NDST3: variants seen among roughly 807,000 people sequenced by gnomAD.
The protein encoded by NDST3 is bifunctional heparan sulfate N-deacetylase/N-sulfotransferase 3.
Under a neutral mutation model 96.1 loss-of-function variants are expected in NDST3, and 58 were observed. The observed-to-expected ratio is 0.60, with a 90% confidence interval of 0.49 to 0.75. NDST3 has a LOEUF of 0.75. Among genes scored for constraint, NDST3 ranks in the 30% least tolerant of loss-of-function variants. The pLI is 0.00. For missense variants in NDST3, 788 were observed against 1,034.2 expected, an observed-to-expected ratio of 0.76 and a Z score of 3.27; for synonymous variants, 333 against 359.7, an observed-to-expected ratio of 0.93 and a Z score of 0.84.
chr4:118,183,016 A>G (rs1736703529), intron 6 of NDST3, among the ~76,000 whole-genome samples: 1 of 151,940 alleles, frequency 6.6e-6, no homozygotes. Flanking sequence ...TACTCATACC[A>G]AACAAACAAA....
chr4:118,086,808 C>T (rs750439364), intron 2 of NDST3, among the ~76,000 whole-genome samples: 11 of 151,954 alleles, frequency 7.2e-5, no homozygotes, highest in East Asian at 1.9e-4. Flanking sequence ...AAATGAAAGG[C>T]TAATTCATAT....
rs532187219 is a variant in NDST3 at position 118,049,678 on chromosome 4, T to C, written c.-155-4078T>C. On this transcript the variant is annotated intron_variant, in intron 1 of 13. Coordinates refer to ENST00000296499, the MANE Select transcript of NDST3 (RefSeq NM_004784.3). The stretch of plus-strand genomic sequence containing the variant: ...CTCCCAAAACTGAATCATTAAGAGT[T>C]TGAAACTCTGAAAAGACCAATATCA... Among the ~76,000 whole-genome samples, 208 of 151,352 alleles carry C rather than the reference T, an allele frequency of 1.4e-3. 1 individual carries two copies. Among genetic ancestry groups the C allele is most frequent in the African/African-American group, 4.8e-3 (198 of 41,430 alleles).
chr4:118,253,038 T>G (rs1211140894), intron 12 of NDST3, among the ~76,000 whole-genome samples: 1 of 152,216 alleles, frequency 6.6e-6, no homozygotes, highest in East Asian at 1.9e-4. Context: ...CATGATACAC[T>G]GAAACCTTTT....
At chr4:118,093,317 G>A (rs1192638377) in intron 2 of NDST3, among the ~76,000 whole-genome samples, 4 of 151,770 alleles carry the variant, frequency 2.6e-5, no homozygotes, top group Non-Finnish European at 5.9e-5. Flanking sequence ...ACTGGATCAT[G>A]GGTCTAATTT....
intron 1 of NDST3, among the ~76,000 whole-genome samples, chr4:118,049,064 G>T (rs1262334152): frequency 6.6e-6 from 1 of 152,170 alleles, no homozygotes; most frequent in African/African-American, 2.4e-5. Flanking sequence ...TCAATATCAA[G>T]AAGGTCTCTC....
At chr4:118,222,527 T>C (rs1322211384) in intron 6 of NDST3, among the ~76,000 whole-genome samples, 1 of 151,976 alleles carries the variant, frequency 6.6e-6, no homozygotes, top group African/African-American at 2.4e-5. Flanking sequence ...TAAGGTGACA[T>C]GCGTTACAAA....
At chr4:118,171,088 C>G (rs1414255965) in intron 6 of NDST3, among the ~76,000 whole-genome samples, 2 of 152,130 alleles carry the variant, frequency 1.3e-5, no homozygotes, top group Non-Finnish European at 2.9e-5. Context: ...TTACAATTTC[C>G]TACTTTTAAT....
intron 4 of NDST3, among the ~76,000 whole-genome samples, chr4:118,116,610 C>T (rs894520694): frequency 6.6e-6 from 1 of 152,164 alleles, no homozygotes; most frequent in Non-Finnish European, 1.5e-5. Flanking sequence ...GTAATCCCAG[C>T]ACTTTGGGAG....
chr4:118,245,942 C>G (rs1464522908), intron 12 of NDST3, among the ~76,000 whole-genome samples: 2 of 152,054 alleles, frequency 1.3e-5, no homozygotes, highest in Non-Finnish European at 2.9e-5. Context: ...TCTCTGGAAC[C>G]TACATTGCCA....
intron 2 of NDST3, among the ~76,000 whole-genome samples, chr4:118,081,519 T>C (rs1418606695): frequency 6.6e-6 from 1 of 152,166 alleles, no homozygotes; most frequent in African/African-American, 2.4e-5. Flanking sequence ...AATGAAAATA[T>C]GTGTGACAAG....
intron 1 of NDST3, among the ~76,000 whole-genome samples, chr4:118,048,725 G>A (rs1183850247): frequency 6.6e-6 from 1 of 151,996 alleles, no homozygotes; most frequent in East Asian, 1.9e-4. Flanking sequence ...CTAGATTCAT[G>A]AAACAAATTC....
intron 8 of NDST3, among the ~76,000 whole-genome samples, chr4:118,230,922 AG>A: frequency 6.6e-6 from 1 of 152,326 alleles, no homozygotes; most frequent in Non-Finnish European, 1.5e-5. Flanking sequence ...GGTAGATTTA[AG>A]TAAATATTAA....
chr4:118,143,432 G>C, intron 5 of NDST3, 124 bp from the exon 6 acceptor site: 1 of 909,304 alleles, frequency 1.1e-6, no homozygotes. Flanking sequence ...AGATTGTCCA[G>C]GCCCTGGTTA....
At chr4:118,117,042 A>G (rs1731191108) in intron 4 of NDST3, among the ~76,000 whole-genome samples, 1 of 152,228 alleles carries the variant, frequency 6.6e-6, no homozygotes, top group Non-Finnish European at 1.5e-5. Flanking sequence ...TAGAAGCGTC[A>G]TTCCTAACTA....
chr4:118,088,918 T>C (rs1728649020), intron 2 of NDST3, among the ~76,000 whole-genome samples: 2 of 151,924 alleles, frequency 1.3e-5, no homozygotes, highest in African/African-American at 4.8e-5. Context: ...TAGAGTCCCC[T>C]TAAGATAGAC....
chr4:118,102,803 G>A (rs754828405), intron 2 of NDST3, among the ~76,000 whole-genome samples: 6 of 151,958 alleles, frequency 3.9e-5, no homozygotes, highest in African/African-American at 1.5e-4. Context: ...AAATATCACT[G>A]TTTATCTTAA....
intron 2 of NDST3, among the ~76,000 whole-genome samples, chr4:118,098,985 T>G (rs1338498500): frequency 2.0e-5 from 3 of 152,202 alleles, no homozygotes; most frequent in East Asian, 3.9e-4. Flanking sequence ...AATAAGGACC[T>G]TTTAAAGTTG....
In NDST3 at chr4:118,224,672, A is replaced by G. The variant is rs778002240; in HGVS notation, c.1721A>G (p.Gln574Arg). 4 of 1,574,366 alleles carry G rather than the reference A, an allele frequency of 2.5e-6. No homozygotes were observed. The highest frequency in any genetic ancestry group is 3.4e-6 in the Non-Finnish European group (4 of 1,160,004). ...CCTGATCAGAAAGACCCTCTCTGGC[A>G]GGTAAAATTAATTAAATAATTGATA... ...LFPDQKDPLW[Q>R]NPCDDKRHRD... Residue 574 changes from glutamine (Q) to arginine (R), a missense_variant and splice_region_variant, in exon 7 of 14, where the codon CAG becomes CGG. Transcript: ENST00000296499.
In NDST3 at chr4:118,130,953, C is replaced by T. The variant is rs7678461; in HGVS notation, c.1225-7101C>T. 5.7e-3 allele frequency among the ~76,000 whole-genome samples: 870 copies of T among 152,262 alleles called. 11 individuals carry two copies. The highest frequency in any genetic ancestry group is 0.02 in the African/African-American group (836 of 41,554). ...TCTGCTTTCAGATGTATTGGAGGTC[C>T]ATTGAATGTTATTTGTTACTTTTCT... On this transcript the variant is annotated intron_variant, in intron 4 of 13. Coordinates refer to ENST00000296499, the MANE Select transcript of NDST3 (RefSeq NM_004784.3).
Sources: gnomAD v4.1 joint callset for allele counts (sites outside exome capture counted in the v4.1 genomes callset) on GRCh38, gnomAD v4.1.1 for gene constraint, MANE v1.5 for transcripts, NCBI Gene and HGNC (gene_info 2026-07-23, HGNC 2026-07-21) for gene names.